Variants in ZNF280C observed in about 807,000 individuals in gnomAD.
The protein encoded by ZNF280C is zinc finger protein 280C.
ZNF280C carries 14 observed loss-of-function variants against 53.6 expected under a neutral mutation model. That is an observed-to-expected ratio of 0.26 (90% CI 0.17 to 0.41). ZNF280C has a LOEUF of 0.41. ZNF280C is among the 10% of genes least tolerant of loss of function. The pLI is 1.00. For missense variants in ZNF280C, 416 were observed against 547.1 expected (o/e 0.76, Z 2.39); for synonymous variants, 203 against 181.1 (o/e 1.12, Z -0.97).
chrX:130,243,270 C>T (rs975679785), intron 5 of ZNF280C, among the ~76,000 whole-genome samples: 5 of 111,501 alleles, frequency 4.5e-5, no homozygotes, highest in African/African-American at 1.6e-4. Context: ...GCAGCCTTGA[C>T]CTCCAGGGCT....
intron 2 of ZNF280C, among the ~76,000 whole-genome samples, chrX:130,250,773 T>C (rs1045808382): frequency 8.9e-6 from 1 of 112,037 alleles, no homozygotes; most frequent in African/African-American, 3.2e-5. Flanking sequence ...ATTGTCCTGA[T>C]AACAAAACCT....
At chrX:130,249,812 T>C (rs185940883) in intron 2 of ZNF280C, among the ~76,000 whole-genome samples, 4 of 111,707 alleles carry the variant, frequency 3.6e-5, no homozygotes, top group African/African-American at 6.5e-5. Flanking sequence ...GGGGCTGAGA[T>C]GGCTGAAAGG....
At chrX:130,231,999 C>T (rs1202294074) in intron 8 of ZNF280C, among the ~76,000 whole-genome samples, 8 of 105,676 alleles carry the variant, frequency 7.6e-5, no homozygotes, top group African/African-American at 2.8e-4. Context: ...TGCACTCCAG[C>T]CCGGGTGACA....
intron 2 of ZNF280C, among the ~76,000 whole-genome samples, chrX:130,255,014 C>A (rs1248154699): frequency 9.8e-5 from 10 of 102,408 alleles, no homozygotes; most frequent in African/African-American, 3.6e-4. Flanking sequence ...TAAAGACAGC[C>A]AAAATTCAGT....
chrX:130,233,393 G>A (rs950440851), intron 8 of ZNF280C, among the ~76,000 whole-genome samples: 1 of 111,160 alleles, frequency 9.0e-6, no homozygotes, highest in African/African-American at 3.3e-5. Context: ...AAGGTGGGCG[G>A]ATCACCTGAG....
At chrX:130,257,198 C>CAAA (rs35374607) in intron 2 of ZNF280C, among the ~76,000 whole-genome samples, 3 of 41,957 alleles carry the variant, frequency 7.2e-5, no homozygotes, top group Admixed American at 3.4e-4. Context: ...GACTCTGTCT[C>CAAA]AAAAAAAAAA....
chrX:130,232,583 A>C (rs1185478742), intron 8 of ZNF280C, among the ~76,000 whole-genome samples: 1 of 111,790 alleles, frequency 8.9e-6, no homozygotes, highest in East Asian at 2.8e-4. Context: ...ACATATGTGC[A>C]AAGGTGCTCA....
At chrX:130,240,409 T>C (rs2032377553) in intron 5 of ZNF280C, among the ~76,000 whole-genome samples, 1 of 111,818 alleles carries the variant, frequency 8.9e-6, no homozygotes. Context: ...ACAATACTTT[T>C]ATAATGAGGA....
At chrX:130,260,373 T>C in intron 2 of ZNF280C, 46 bp downstream of exon 2, 4 of 1,132,173 alleles carry the variant, frequency 3.5e-6, no homozygotes, top group Non-Finnish European at 4.8e-6. Flanking sequence ...AGGTTTACAG[T>C]ACAAAAACCA....
At chrX:130,223,950 G>A (rs1334014982) in intron 12 of ZNF280C, among the ~76,000 whole-genome samples, 1 of 111,769 alleles carries the variant, frequency 8.9e-6, no homozygotes, top group Non-Finnish European at 1.9e-5. Flanking sequence ...AATACCTTCA[G>A]AGAAGCCTGA....
At chrX:130,215,646 T>A (rs143756175) in intron 14 of ZNF280C, 145 bp downstream of exon 14, 156 of 547,194 alleles carry the variant, frequency 2.9e-4, no homozygotes, top group Admixed American at 6.0e-4. Context: ...TGCTCAGCAG[T>A]TGTAAAAAGT....
chrX:130,209,692 T>C lies in ZNF280C; in HGVS notation c.2003A>G (p.Lys668Arg). ...ATGCTTCTTGAAAATACAAAACCGT[T>C]TACCTGGATGGTTGCTATGAGAGCT... is the stretch of plus-strand genomic sequence containing the variant. ...MMSSHSNHPG[K>R]RFCIFKKHSG... is the part of the protein sequence containing the mutation. Residue 668 changes from lysine (K) to arginine (R), a missense_variant, in exon 16 of 19, where the codon AAA (lysine) becomes AGA (arginine). Coordinates refer to ENST00000370978, the MANE Select transcript of ZNF280C (RefSeq NM_017666.5). 8.3e-7 allele frequency: 1 copy of C among 1,208,552 alleles called. No homozygotes were observed. Among genetic ancestry groups the C allele is most frequent in the Non-Finnish European group, 1.1e-6 (1 of 893,546 alleles).
intron 12 of ZNF280C, among the ~76,000 whole-genome samples, chrX:130,223,558 T>TG (rs1415083363): frequency 2.7e-5 from 3 of 112,135 alleles, no homozygotes; most frequent in Non-Finnish European, 5.6e-5. Context: ...ATCATATACC[T>TG]GCCTCATAGG....
At chrX:130,213,922 C>T (rs1188251455) in intron 15 of ZNF280C, among the ~76,000 whole-genome samples, 1 of 111,833 alleles carries the variant, frequency 8.9e-6, no homozygotes, top group Non-Finnish European at 1.9e-5. Context: ...ATATAGAGGT[C>T]TTGTTATAAT....
intron 16 of ZNF280C, among the ~76,000 whole-genome samples, chrX:130,208,575 C>T (rs1459590600): frequency 6.3e-5 from 7 of 111,994 alleles, no homozygotes; most frequent in African/African-American, 1.9e-4. Context: ...AAAATCAAAT[C>T]GAAGTCTCAT....
chrX:130,207,493 C>A (rs767752663), intron 16 of ZNF280C, among the ~76,000 whole-genome samples: 15 of 110,732 alleles, frequency 1.4e-4, no homozygotes, highest in Non-Finnish European at 7.6e-5. Flanking sequence ...TGAGTAGCTG[C>A]GATTACAGGC....
chrX:130,255,163 C>T (rs1252087555), intron 2 of ZNF280C, among the ~76,000 whole-genome samples: 3 of 78,724 alleles, frequency 3.8e-5, no homozygotes, highest in African/African-American at 1.0e-4. Context: ...TTTTTTGAGA[C>T]GGAGTCTCGC....
intron 16 of ZNF280C, among the ~76,000 whole-genome samples, chrX:130,208,603 T>C (rs1228314727): frequency 1.8e-5 from 2 of 112,461 alleles, no homozygotes; most frequent in Admixed American, 9.4e-5. Context: ...ATTAAATCTC[T>C]TTTCATTCTT....
At chrX:130,251,584 G>C (rs912743172) in intron 2 of ZNF280C, among the ~76,000 whole-genome samples, 32 of 111,214 alleles carry the variant, frequency 2.9e-4, no homozygotes, top group African/African-American at 1.0e-3. Context: ...AAGTTTCACA[G>C]TGTAACAAAA....
Sources: allele counts gnomAD v4.1 joint callset (sites outside exome capture counted in the v4.1 genomes callset), GRCh38; gene constraint gnomAD v4.1.1; transcripts MANE v1.5; gene names NCBI Gene and HGNC (gene_info 2026-07-23, HGNC 2026-07-21).